Variants in MAPK10 observed in about 807,000 individuals in gnomAD.
MAPK10 encodes JNK3 alpha protein kinase.
A neutral mutation model predicts 59.3 loss-of-function variants in MAPK10; 25 were observed. That is an observed-to-expected ratio of 0.42 (90% CI 0.31 to 0.59). The LOEUF is 0.59. Ranked by LOEUF, MAPK10 falls within the 20% of genes least tolerant of loss-of-function variation. MAPK10 has a pLI of 0.15. For missense variants in MAPK10, 351 were observed against 568.9 expected (o/e 0.62, Z 3.90); for synonymous variants, 190 against 200.5 (o/e 0.95, Z 0.44).
intron 3 of MAPK10, among the ~76,000 whole-genome samples, chr4:86,172,337 A>G (rs113563601): frequency 0.015 from 2,251 of 147,054 alleles, 128 homozygotes; most frequent in African/African-American, 0.056. Flanking sequence ...ATGTTCAACA[A>G]TGATAGACTG....
intron 1 of MAPK10, among the ~76,000 whole-genome samples, chr4:86,404,761 A>G (rs1423541089): frequency 6.6e-6 from 1 of 152,184 alleles, no homozygotes; most frequent in Non-Finnish European, 1.5e-5. Context: ...CAGCAACCAT[A>G]TGCCCCAGAT....
At chr4:86,244,052 C>A (rs189860477) in intron 2 of MAPK10, among the ~76,000 whole-genome samples, 177 of 152,214 alleles carry the variant, frequency 1.2e-3, no homozygotes, top group African/African-American at 4.1e-3. Context: ...AGTGCTGGAG[C>A]ACAGGAAAGA....
intron 2 of MAPK10, among the ~76,000 whole-genome samples, chr4:86,305,090 G>T (rs1040552430): frequency 6.6e-6 from 1 of 152,076 alleles, no homozygotes; most frequent in African/African-American, 2.4e-5. Context: ...GGTACTTCTT[G>T]ATTATTTAGT....
At chr4:86,041,239 C>T (rs2041460922) in intron 11 of MAPK10, among the ~76,000 whole-genome samples, 1 of 152,096 alleles carries the variant, frequency 6.6e-6, no homozygotes. Context: ...GGAAAAGATT[C>T]CCTATTTAAT....
At chr4:86,549,885 AAGGAG>A (rs1354940636) in intron 1 of MAPK10, among the ~76,000 whole-genome samples, 2 of 152,172 alleles carry the variant, frequency 1.3e-5, no homozygotes, top group East Asian at 1.9e-4. Flanking sequence ...TAAGGGAAGA[AAGGAG>A]AGGAGAGGAG....
chr4:86,316,231 A>T (rs1171934610), intron 2 of MAPK10, among the ~76,000 whole-genome samples: 1 of 152,220 alleles, frequency 6.6e-6, no homozygotes, highest in Non-Finnish European at 1.5e-5. Context: ...CCTTAGCAAT[A>T]CATGACTTAC....
chr4:86,532,335 T>C (rs1406257936), intron 1 of MAPK10, among the ~76,000 whole-genome samples: 2 of 152,150 alleles, frequency 1.3e-5, no homozygotes, highest in Non-Finnish European at 2.9e-5. Context: ...ACTATTCTAA[T>C]CAAGCTCAAT....
At chr4:86,483,266 C>T (rs925997480) in intron 1 of MAPK10, among the ~76,000 whole-genome samples, 4 of 152,096 alleles carry the variant, frequency 2.6e-5, no homozygotes, top group Admixed American at 1.3e-4. Context: ...TTCTTCTCAG[C>T]TTGAATTAGT....
At chr4:86,153,547 G>A (rs1357199177) in intron 4 of MAPK10, among the ~76,000 whole-genome samples, 1 of 152,032 alleles carries the variant, frequency 6.6e-6, no homozygotes, top group Admixed American at 6.5e-5. Context: ...TTATACATAA[G>A]GACACACATA....
At chr4:86,163,143 A>T (rs1285828174) in intron 3 of MAPK10, among the ~76,000 whole-genome samples, 2 of 152,150 alleles carry the variant, frequency 1.3e-5, no homozygotes, top group African/African-American at 4.8e-5. Context: ...TTTAATTACT[A>T]GTTTAAGCGG....
intron 2 of MAPK10, among the ~76,000 whole-genome samples, chr4:86,269,958 A>G (rs2094381303): frequency 1.3e-5 from 2 of 152,260 alleles, no homozygotes; most frequent in East Asian, 1.9e-4. Context: ...TGTGAATTGT[A>G]TATTATAGTC....
At chr4:86,455,357 G>T (rs1203383133), upstream of MAPK10, among the ~76,000 whole-genome samples, 1 of 152,118 alleles carries the variant, frequency 6.6e-6, no homozygotes, top group African/African-American at 2.4e-5. Context: ...GAATGGATAA[G>T]AATTCACCAG....
At chr4:86,210,898 G>T (rs953425186) in intron 2 of MAPK10, among the ~76,000 whole-genome samples, 1 of 149,324 alleles carries the variant, frequency 6.7e-6, no homozygotes, top group Non-Finnish European at 1.5e-5. Flanking sequence ...TCCTAAAAAG[G>T]AAAAAAAAGA....
chr4:86,122,455 G>T (rs985862069), intron 4 of MAPK10, among the ~76,000 whole-genome samples: 8 of 152,052 alleles, frequency 5.3e-5, no homozygotes, highest in Non-Finnish European at 1.0e-4. Context: ...ACTGTGCTTT[G>T]TCTTCAGGAT....
intron 11 of MAPK10, among the ~76,000 whole-genome samples, chr4:86,046,539 T>C (rs1667618245): frequency 6.6e-6 from 1 of 152,148 alleles, no homozygotes; most frequent in African/African-American, 2.4e-5. Flanking sequence ...AAGCACAGTA[T>C]ATAGTACATA....
intron 2 of MAPK10, among the ~76,000 whole-genome samples, chr4:86,323,739 A>G (rs1403027152): frequency 6.6e-6 from 1 of 152,244 alleles, no homozygotes; most frequent in African/African-American, 2.4e-5. Flanking sequence ...ATTTTATTCA[A>G]CAGTATACTA....
chr4:86,566,030 T>A lies in MAPK10; in HGVS notation c.-263+27880A>T, dbSNP rs544617553. On this transcript the variant is annotated intron_variant, in intron 1 of 4. Coordinates refer to the MAPK10 transcript ENST00000502302. ...TTGAAGTTGTAGTTTAACTTCTACC[T>A]CTTCAGGAAGTCTTTTCCAATCATC... Among the ~76,000 whole-genome samples, 5 of 152,318 alleles carry A rather than the reference T, an allele frequency of 3.3e-5. No homozygotes were observed. In the South Asian group the frequency reaches 8.3e-4, roughly 25 times the overall value.
At chr4:86,564,995 C>G (rs1043301214) in intron 1 of MAPK10, among the ~76,000 whole-genome samples, 2 of 152,116 alleles carry the variant, frequency 1.3e-5, no homozygotes, top group Non-Finnish European at 2.9e-5. Flanking sequence ...GGAAGTCTAA[C>G]CTTACAAATG....
chr4:86,031,007 T>G (rs2038896737), intron 12 of MAPK10, among the ~76,000 whole-genome samples: 1 of 152,262 alleles, frequency 6.6e-6, no homozygotes, highest in Non-Finnish European at 1.5e-5. Flanking sequence ...TTTAATTTCA[T>G]GCTTCATATG....
Sources: allele counts gnomAD v4.1 joint callset (sites outside exome capture counted in the v4.1 genomes callset), GRCh38; gene constraint gnomAD v4.1.1; transcripts MANE v1.5; gene names NCBI Gene and HGNC (gene_info 2026-07-23, HGNC 2026-07-21).